The following DGKB variants were observed in gnomAD, a reference collection of about 807,000 sequenced individuals.
DGKB encodes 90 kDa diacylglycerol kinase.
A neutral mutation model predicts 114.3 loss-of-function variants in DGKB; 67 were observed. That is an observed-to-expected ratio of 0.59 (90% CI 0.48 to 0.72). The LOEUF (loss-of-function observed/expected upper bound fraction) is 0.72, where lower values mean the gene tolerates loss of function less well. Among genes scored for constraint, DGKB ranks in the 30% least tolerant of loss-of-function variants. The probability of loss-of-function intolerance (pLI) is 0.00; values close to 1 mark genes in which losing one functional copy is unlikely to be tolerated. For synonymous variants in DGKB, 398 were observed against 323.1 expected (o/e 1.23, Z -2.49); for missense variants, 907 against 975.2 (o/e 0.93, Z 0.93).
intron 2 of DGKB, among the ~76,000 whole-genome samples, chr7:14,791,113 G>C (rs947112472): frequency 4.6e-5 from 7 of 152,142 alleles, no homozygotes; most frequent in African/African-American, 1.7e-4. Context: ...TTACAGGCGT[G>C]AGTCACTGTG....
intron 12 of DGKB, among the ~76,000 whole-genome samples, chr7:14,676,943 T>A (rs1459631737): frequency 1.3e-5 from 2 of 152,094 alleles, no homozygotes; most frequent in Non-Finnish European, 2.9e-5. Context: ...AGCTCATTTT[T>A]AAATATACAT....
At chr7:14,660,101 T>G (rs368210244) in intron 13 of DGKB, among the ~76,000 whole-genome samples, 1 of 151,352 alleles carries the variant, frequency 6.6e-6, no homozygotes, top group African/African-American at 2.4e-5. Flanking sequence ...TCATGGTGGA[T>G]AAGCTTTTTG....
At chr7:14,565,431 A>C (rs1206870992) in intron 20 of DGKB, among the ~76,000 whole-genome samples, 4 of 152,204 alleles carry the variant, frequency 2.6e-5, no homozygotes, top group Non-Finnish European at 4.4e-5. Context: ...GGTGATTCAT[A>C]AAGCCATATA....
At chr7:14,470,833 G>A (rs930011864) in intron 21 of DGKB, among the ~76,000 whole-genome samples, 1 of 151,520 alleles carries the variant, frequency 6.6e-6, no homozygotes, top group African/African-American at 2.4e-5. Flanking sequence ...TACATCAACA[G>A]AATATATCAT....
In DGKB at chr7:14,555,203, G is replaced by A. The variant is rs1795707295; in HGVS notation, c.1770+19009C>T. Among the ~76,000 whole-genome samples, 4 of 151,824 alleles carry A rather than the reference G, an allele frequency of 2.6e-5. 1 individual carries two copies. In the South Asian group the frequency reaches 6.2e-4, roughly 24 times the overall value. On this transcript the variant is annotated intron_variant, in intron 20 of 25. Transcript: ENST00000402815. The stretch of plus-strand genomic sequence containing the variant: ...TCTGTCACTTCATTTATTATGTATT[G>A]TGCATTTTATCCCTCTCCAATGATT...
At chr7:14,757,781 T>C (rs763214918) in intron 2 of DGKB, 50 bp from the exon 3 acceptor site, 1 of 1,003,114 alleles carries the variant, frequency 1.0e-6, no homozygotes, top group South Asian at 1.4e-5. Flanking sequence ...ATACTGTGGT[T>C]GTGTAGCCCA....
rs1159527695 is a variant in DGKB at position 14,311,600 on chromosome 7, G to GT, written c.2122+26914dup. On this transcript the variant is annotated intron_variant, in intron 23 of 25. Coordinates refer to ENST00000402815, the MANE Select transcript of DGKB (RefSeq NM_001350709.2). ...ACCATGCCTGGCGAACTTCTTTTGT[G>GT]TTTTTTGTAGAGACAGAGTTTTGCC... 3.3e-5 allele frequency among the ~76,000 whole-genome samples: 5 copies of GT among 152,028 alleles called. No individual in the cohort carries two copies. The East Asian group carries it at 9.7e-4, about 30-fold the overall frequency.
chr7:14,617,478 C>A (rs1025226971), intron 15 of DGKB, among the ~76,000 whole-genome samples: 2 of 151,684 alleles, frequency 1.3e-5, no homozygotes, highest in South Asian at 4.1e-4. Flanking sequence ...AACAAGCCTA[C>A]GTCTTATAAC....
In DGKB at chr7:14,646,605, T is replaced by C. The variant is rs1585312963; in HGVS notation, c.1135-16337A>G. 2.0e-5 allele frequency among the ~76,000 whole-genome samples: 3 copies of C among 152,160 alleles called. 1 individual carries two copies. Among genetic ancestry groups the C allele is most frequent in the Middle Eastern group, 6.8e-3 (2 of 294 alleles). ...TGTATCTTAGGCCTCAATATAAATC[T>C]CAAACATTTTAAAACATCAAAATTC... On this transcript the variant is annotated intron_variant, in intron 13 of 25. Transcript: ENST00000402815.
intron 17 of DGKB, among the ~76,000 whole-genome samples, chr7:14,594,827 G>T (rs1352630039): frequency 1.3e-5 from 2 of 152,034 alleles, no homozygotes; most frequent in Non-Finnish European, 2.9e-5. Context: ...TTTGCTTAGG[G>T]TCAAATACAA....
intron 23 of DGKB, among the ~76,000 whole-genome samples, chr7:14,321,405 C>G (rs1807774296): frequency 6.6e-6 from 1 of 151,866 alleles, no homozygotes; most frequent in Non-Finnish European, 1.5e-5. Flanking sequence ...GTATTTATAA[C>G]AAAACATAGT....
chr7:14,172,355 A>G (rs1317669026), intron 25 of DGKB, among the ~76,000 whole-genome samples: 1 of 152,202 alleles, frequency 6.6e-6, no homozygotes, highest in Admixed American at 6.6e-5. Flanking sequence ...TGGAACAAAA[A>G]TTGAGATGGG....
intron 20 of DGKB, among the ~76,000 whole-genome samples, chr7:14,572,274 T>A (rs1798499699): frequency 1.4e-5 from 2 of 144,968 alleles, no homozygotes; most frequent in South Asian, 4.5e-4. Flanking sequence ...TAACCCCGTA[T>A]CTACTAAAAA....
intron 21 of DGKB, among the ~76,000 whole-genome samples, chr7:14,462,355 C>T (rs866387279): frequency 3.9e-5 from 6 of 152,078 alleles, no homozygotes; most frequent in Non-Finnish European, 5.9e-5. Flanking sequence ...ATTTAGAAAA[C>T]CCCATCATCT....
At chr7:14,631,780 T>G (rs1428554891) in intron 13 of DGKB, among the ~76,000 whole-genome samples, 1 of 152,038 alleles carries the variant, frequency 6.6e-6, no homozygotes, top group Non-Finnish European at 1.5e-5. Context: ...AGCTTCGGGT[T>G]GAAGCTTAAG....
chr7:14,448,039 T>A (rs1330346590), intron 21 of DGKB, among the ~76,000 whole-genome samples: 1 of 152,138 alleles, frequency 6.6e-6, no homozygotes, highest in East Asian at 1.9e-4. Context: ...CATTCACTAA[T>A]CTGCTCATTA....
In DGKB at chr7:14,784,367, CT is replaced by C. The variant is rs1216046590; in HGVS notation, c.71-26637del. Among the ~76,000 whole-genome samples, 1,210 of 129,158 alleles carry C rather than the reference CT, an allele frequency of 9.4e-3. 5 individuals are homozygous for C. Among genetic ancestry groups the C allele is most frequent in the African/African-American group, 0.027 (905 of 33,128 alleles). 84.7% of individuals were successfully genotyped at this position (129,158 alleles called of 152,430 possible). ...GTTCACCATCCGTCCAAATTATATG[CT>C]TTTTTTTTTTTTTTTTTGAGCTGGA... On this transcript the variant is annotated intron_variant, in intron 2 of 25. Coordinates refer to ENST00000402815, the MANE Select transcript of DGKB (RefSeq NM_001350709.2).
intron 1 of DGKB, among the ~76,000 whole-genome samples, chr7:14,928,916 G>C (rs1251067623): frequency 4.0e-5 from 6 of 151,720 alleles, no homozygotes; most frequent in Admixed American, 1.3e-4. Flanking sequence ...TTACAAATGA[G>C]AACATGCAAT....
intron 25 of DGKB, among the ~76,000 whole-genome samples, chr7:14,167,218 A>AAAAC (rs1343811974): frequency 6.6e-6 from 1 of 151,388 alleles, no homozygotes; most frequent in Admixed American, 6.6e-5. Context: ...CTCAAAAAAA[A>AAAAC]AAAAAAAAAA....
Sources: gnomAD v4.1 joint callset for allele counts (sites outside exome capture counted in the v4.1 genomes callset) on GRCh38, gnomAD v4.1.1 for gene constraint, MANE v1.5 for transcripts, NCBI Gene and HGNC (gene_info 2026-07-23, HGNC 2026-07-21) for gene names.